The following DPP10 variants were observed in gnomAD, a reference collection of about 807,000 sequenced individuals.
The protein encoded by DPP10 is dipeptidyl peptidase like 10, also known as inactive dipeptidyl peptidase 10.
Under a neutral mutation model 120.9 loss-of-function variants are expected in DPP10, and 33 were observed. The ratio of observed to expected loss-of-function variants is 0.27; its 90% CI spans 0.21 to 0.37. DPP10 has a LOEUF of 0.37. Among genes scored for constraint, DPP10 ranks in the 10% least tolerant of loss-of-function variants. The pLI is 1.00. For synonymous variants in DPP10, 337 were observed against 326.1 expected, an observed-to-expected ratio of 1.03 and a Z score of -0.36; for missense variants, 816 against 942.8, an observed-to-expected ratio of 0.87 and a Z score of 1.76.
At chr2:115,695,231 A>C (rs967728259) in intron 7 of DPP10, among the ~76,000 whole-genome samples, 1 of 152,238 alleles carries the variant, frequency 6.6e-6, no homozygotes, top group Non-Finnish European at 1.5e-5. Flanking sequence ...CTTTTTTCAC[A>C]TAAGGCTGAT....
In DPP10 at chr2:114,788,984, C is replaced by T. The variant is rs548464581; in HGVS notation, c.60+346146C>T. Among the ~76,000 whole-genome samples the T allele has an allele frequency of 1.1e-4, 16 of 152,224 alleles. No individual in the cohort carries two copies. The East Asian group carries it at 3.1e-3, about 30-fold the overall frequency. On this transcript the variant is annotated intron_variant, in intron 1 of 25. Transcript: ENST00000410059. ...AGGTTCCATGGGATGATGATATCAA[C>T]TCCAAGGGTTAAAAAGGTTCACCAT...
At chr2:115,791,059 C>T in intron 17 of DPP10, 22 bp from the exon 18 acceptor site, 1 of 1,579,498 alleles carries the variant, frequency 6.3e-7, no homozygotes, top group Non-Finnish European at 8.7e-7. Context: ...TAGCTATTTA[C>T]ACTACCCTTT....
At chr2:115,825,034 T>G (rs760686248) in intron 21 of DPP10, among the ~76,000 whole-genome samples, 9 of 152,258 alleles carry the variant, frequency 5.9e-5, no homozygotes, top group Admixed American at 1.3e-4. Flanking sequence ...CATCCAATTT[T>G]ATTTCAATAT....
chr2:115,732,981 A>T (rs1444908340), intron 8 of DPP10, among the ~76,000 whole-genome samples: 1 of 152,294 alleles, frequency 6.6e-6, no homozygotes, highest in South Asian at 2.1e-4. Flanking sequence ...CATAGTAAAT[A>T]TAAATATAAA....
intron 2 of DPP10, among the ~76,000 whole-genome samples, chr2:115,331,144 C>G (rs1559434504): frequency 6.6e-6 from 1 of 152,112 alleles, no homozygotes; most frequent in African/African-American, 2.4e-5. Flanking sequence ...TCCTTCACAT[C>G]CCTTGTAAGT....
At chr2:114,476,661 A>G (rs1417682735) in intron 1 of DPP10, among the ~76,000 whole-genome samples, 2 of 152,204 alleles carry the variant, frequency 1.3e-5, no homozygotes, top group African/African-American at 4.8e-5. Flanking sequence ...CAAACAGGAA[A>G]TAGTGCGTAT....
chr2:115,712,241 G>T (rs1284087046), intron 7 of DPP10, among the ~76,000 whole-genome samples: 1 of 150,742 alleles, frequency 6.6e-6, no homozygotes. Context: ...TTCATAAGGA[G>T]CATGCCACCT....
At chr2:115,281,480 G>T (rs1250703758) in intron 1 of DPP10, among the ~76,000 whole-genome samples, 2 of 152,168 alleles carry the variant, frequency 1.3e-5, no homozygotes, top group African/African-American at 2.4e-5. Flanking sequence ...CATGACTGAT[G>T]CTGGTTTGAA....
chr2:115,205,322 A>T (rs1352462504), intron 1 of DPP10, among the ~76,000 whole-genome samples: 1 of 152,150 alleles, frequency 6.6e-6, no homozygotes, highest in Non-Finnish European at 1.5e-5. Context: ...TTAGCCAGTT[A>T]TCTCAGGATC....
At chr2:115,745,581 G>A (rs1383418404) in intron 9 of DPP10, among the ~76,000 whole-genome samples, 1 of 150,576 alleles carries the variant, frequency 6.6e-6, no homozygotes, top group African/African-American at 2.4e-5. Flanking sequence ...GGAGATTAAT[G>A]CGATAGCATA....
intron 5 of DPP10, among the ~76,000 whole-genome samples, chr2:115,544,841 GT>G (rs2079402441): frequency 6.6e-6 from 1 of 152,056 alleles, no homozygotes; most frequent in Admixed American, 6.6e-5. Context: ...GTTGCTTATA[GT>G]TGGAGGATGT....
intron 1 of DPP10, among the ~76,000 whole-genome samples, chr2:115,279,485 A>G (rs1487578171): frequency 6.6e-6 from 1 of 151,994 alleles, no homozygotes; most frequent in Non-Finnish European, 1.5e-5. Context: ...TGGCTCCAGA[A>G]TGCAGTTCAG....
intron 5 of DPP10, among the ~76,000 whole-genome samples, chr2:115,564,078 T>G (rs1156389618): frequency 2.0e-5 from 3 of 152,176 alleles, no homozygotes; most frequent in Non-Finnish European, 4.4e-5. Context: ...GGAAGCCTCT[T>G]TTAATTACTT....
chr2:115,111,104 A>T (rs1313335448), intron 1 of DPP10, among the ~76,000 whole-genome samples: 1 of 152,188 alleles, frequency 6.6e-6, no homozygotes, highest in Non-Finnish European at 1.5e-5. Flanking sequence ...TCTAATGCTC[A>T]AAAGATAATG....
At chr2:115,416,025 A>C (rs2069397486) in intron 3 of DPP10, among the ~76,000 whole-genome samples, 1 of 151,864 alleles carries the variant, frequency 6.6e-6, no homozygotes, top group Non-Finnish European at 1.5e-5. Context: ...ATTTGAAAGC[A>C]AAACAGTAAA....
At chr2:115,278,494 A>C (rs533399695) in intron 1 of DPP10, among the ~76,000 whole-genome samples, 1 of 152,054 alleles carries the variant, frequency 6.6e-6, no homozygotes, top group Non-Finnish European at 1.5e-5. Flanking sequence ...ATTTATGAAG[A>C]AAGGTTTTGG....
chr2:115,578,418 G>A (rs2081814309), intron 5 of DPP10, among the ~76,000 whole-genome samples: 1 of 149,496 alleles, frequency 6.7e-6, no homozygotes, highest in Non-Finnish European at 1.5e-5. Flanking sequence ...AAATTTTCAT[G>A]CCTAATTGAT....
chr2:115,717,769 G>A (rs981436395), intron 7 of DPP10, among the ~76,000 whole-genome samples: 4 of 152,164 alleles, frequency 2.6e-5, no homozygotes, highest in African/African-American at 9.7e-5. Context: ...GAATGGGCAT[G>A]CACCACATCA....
chr2:114,921,111 ATGT>A (rs1695164372), intron 1 of DPP10, among the ~76,000 whole-genome samples: 3 of 152,248 alleles, frequency 2.0e-5, no homozygotes, highest in South Asian at 2.1e-4. Context: ...TCTTACAGTG[ATGT>A]TGTAAAATCC....
Sources: gnomAD v4.1 joint callset for allele counts (sites outside exome capture counted in the v4.1 genomes callset) on GRCh38, gnomAD v4.1.1 for gene constraint, MANE v1.5 for transcripts, NCBI Gene and HGNC (gene_info 2026-07-23, HGNC 2026-07-21) for gene names.